The following PDZRN3 variants were observed in gnomAD, a reference collection of about 807,000 sequenced individuals.
The protein encoded by PDZRN3 is PDZ domain containing ring finger 3.
A neutral mutation model predicts 85.7 loss-of-function variants in PDZRN3; 38 were observed. That is an observed-to-expected ratio of 0.44 (90% CI 0.34 to 0.58). The LOEUF (loss-of-function observed/expected upper bound fraction) is 0.58, where lower values mean the gene tolerates loss of function less well. PDZRN3 is among the 20% of genes least tolerant of loss of function. PDZRN3 has a pLI of 0.01. For missense variants in PDZRN3, 1,629 were observed against 1,506.4 expected, an observed-to-expected ratio of 1.08 and a Z score of -1.35; for synonymous variants, 759 against 638.0, an observed-to-expected ratio of 1.19 and a Z score of -2.86.
intron 2 of PDZRN3, among the ~76,000 whole-genome samples, chr3:73,602,903 A>G (rs1479339683): frequency 6.6e-6 from 1 of 152,240 alleles, no homozygotes; most frequent in Non-Finnish European, 1.5e-5. Flanking sequence ...TACTTCTTAA[A>G]GTGACTGAAC....
intron 3 of PDZRN3, among the ~76,000 whole-genome samples, chr3:73,524,984 TAAGA>T (rs1704489051): frequency 6.7e-6 from 1 of 149,244 alleles, no homozygotes; most frequent in African/African-American, 2.4e-5. Context: ...ATCACAGATA[TAAGA>T]AATTATAAAT....
chr3:73,561,712 C>G (rs896450620), intron 3 of PDZRN3: 3 of 152,154 alleles, frequency 2.0e-5, no homozygotes, highest in African/African-American at 4.8e-5. Context: ...TCTTCGCATG[C>G]GGATCCTCAC....
chr3:73,481,973 A>G (rs1453213771), intron 3 of PDZRN3, among the ~76,000 whole-genome samples: 1 of 152,140 alleles, frequency 6.6e-6, no homozygotes, highest in African/African-American at 2.4e-5. Flanking sequence ...CCTAAATCAC[A>G]GCCTAGCATT....
At chr3:73,608,543 C>G in intron 2 of PDZRN3, 55 bp downstream of exon 2, 1 of 1,226,746 alleles carries the variant, frequency 8.2e-7, no homozygotes. Flanking sequence ...AAACCTTGAC[C>G]TCTCTTTCCA....
intron 3 of PDZRN3, among the ~76,000 whole-genome samples, chr3:73,554,412 C>T (rs1367456973): frequency 6.6e-6 from 1 of 151,970 alleles, no homozygotes; most frequent in Non-Finnish European, 1.5e-5. Context: ...AGGCCAGACA[C>T]AGATAAGTGC....
chr3:73,534,890 TC>T (rs1230064541), intron 3 of PDZRN3, among the ~76,000 whole-genome samples: 2 of 152,200 alleles, frequency 1.3e-5, no homozygotes, highest in African/African-American at 4.8e-5. Flanking sequence ...AGCAAGTCAC[TC>T]TTGTGTCTTG....
intron 3 of PDZRN3, among the ~76,000 whole-genome samples, chr3:73,571,235 T>C (rs1702041736): frequency 6.6e-6 from 1 of 152,212 alleles, no homozygotes; most frequent in Non-Finnish European, 1.5e-5. Flanking sequence ...TTTTTCCTAT[T>C]TTTAAAAGGT....
chr3:73,434,421 A>G (rs932489966), intron 3 of PDZRN3, among the ~76,000 whole-genome samples: 7 of 152,222 alleles, frequency 4.6e-5, no homozygotes, highest in Non-Finnish European at 7.3e-5. Flanking sequence ...TGCAGGGAAA[A>G]TACTCCACAT....
At chr3:73,525,393 G>A (rs1704497967) in intron 3 of PDZRN3, among the ~76,000 whole-genome samples, 1 of 152,166 alleles carries the variant, frequency 6.6e-6, no homozygotes, top group Non-Finnish European at 1.5e-5. Context: ...GGAAATATCT[G>A]GAGGCAGAAC....
At position 73,608,643 on chromosome 3, in the gene PDZRN3, G is replaced by A. The variant is rs1702638957; in HGVS notation, c.765C>T (p.Asp255=). Residue 255 remains aspartate, a synonymous_variant, in exon 2 of 10, where the codon GAC becomes GAT. Transcript: ENST00000263666. ...TAATATTGAATCCCAGGGAGCCGGA[G>A]TCCCGATGCAGGACAAGAGTCAGAC... ...TKSLTLVLHR[D]SGSLGFNIIG... 1.9e-6 allele frequency: 3 copies of A among 1,613,072 alleles called. No individual in the cohort carries two copies. Among genetic ancestry groups the A allele is most frequent in the Middle Eastern group, 3.3e-4 (2 of 6,058 alleles).
chr3:73,391,741 T>C (rs1057339655), intron 5 of PDZRN3, among the ~76,000 whole-genome samples: 1 of 152,214 alleles, frequency 6.6e-6, no homozygotes, highest in East Asian at 1.9e-4. Flanking sequence ...ATTTGCCAGT[T>C]AGTCTGTGCT....
intron 3 of PDZRN3, among the ~76,000 whole-genome samples, chr3:73,440,325 C>T (rs13083184): frequency 0.082 from 12,475 of 152,198 alleles, 571 homozygotes; most frequent in Middle Eastern, 0.18. Context: ...CCAAATCCCA[C>T]GCAGGCCAGT....
intron 3 of PDZRN3, among the ~76,000 whole-genome samples, chr3:73,562,672 A>G (rs936704020): frequency 3.8e-4 from 58 of 152,106 alleles, no homozygotes; most frequent in African/African-American, 1.4e-3. Context: ...TTTGGGGTAC[A>G]ATGGATTCAC....
chr3:73,490,900 T>C (rs1026117306), intron 3 of PDZRN3, among the ~76,000 whole-genome samples: 1 of 152,196 alleles, frequency 6.6e-6, no homozygotes, highest in Admixed American at 6.5e-5. Flanking sequence ...TGGCCAGAGA[T>C]AAGTGCAGGC....
intron 3 of PDZRN3, among the ~76,000 whole-genome samples, chr3:73,503,500 T>C (rs926861474): frequency 2.0e-5 from 3 of 152,352 alleles, no homozygotes; most frequent in Admixed American, 2.0e-4. Context: ...CATTTCTTTA[T>C]CCGTAAAGCT....
chr3:73,583,380 A>T (rs1165619614), intron 3 of PDZRN3, among the ~76,000 whole-genome samples: 1 of 152,214 alleles, frequency 6.6e-6, no homozygotes, highest in Non-Finnish European at 1.5e-5. Context: ...ACTTCTGTGG[A>T]TCATGTAGTA....
intron 5 of PDZRN3, among the ~76,000 whole-genome samples, chr3:73,392,140 G>C (rs982325653): frequency 6.6e-6 from 1 of 152,222 alleles, no homozygotes; most frequent in East Asian, 1.9e-4. Context: ...GATGAAAGGC[G>C]GGTGCCAGGC....
chr3:73,609,870 C>T (rs1228690475), intron 1 of PDZRN3, among the ~76,000 whole-genome samples: 1 of 152,180 alleles, frequency 6.6e-6, no homozygotes, highest in Non-Finnish European at 1.5e-5. Context: ...CTGCAGTGCC[C>T]TGTGAGTTTT....
At chr3:73,447,441 C>CT (rs1702773295) in intron 3 of PDZRN3, among the ~76,000 whole-genome samples, 1 of 152,110 alleles carries the variant, frequency 6.6e-6, no homozygotes, top group Non-Finnish European at 1.5e-5. Context: ...CCTCTCCCTC[C>CT]TTTTGCTGAC....
Sources: allele counts gnomAD v4.1 joint callset (sites outside exome capture counted in the v4.1 genomes callset), GRCh38; gene constraint gnomAD v4.1.1; transcripts MANE v1.5; gene names NCBI Gene and HGNC (gene_info 2026-07-23, HGNC 2026-07-21).